Variants in BCL2L1 observed in about 807,000 individuals in gnomAD.
BCL2L1 encodes BCL2 like 1.
In BCL2L1, 1 loss-of-function variant was observed where a neutral mutation model predicts 18.7. The ratio of observed to expected loss-of-function variants is 0.05; its 90% confidence interval spans 0.02 to 0.25. BCL2L1 has a LOEUF of 0.25. Among genes scored for constraint, BCL2L1 ranks in the 10% least tolerant of loss-of-function variants. The probability of loss-of-function intolerance (pLI) is 1.00; values close to 1 mark genes in which losing one functional copy is unlikely to be tolerated. For missense variants in BCL2L1, 207 were observed against 304.9 expected (o/e 0.68, Z 2.39); for synonymous variants, 103 against 122.7 (o/e 0.84, Z 1.06).
chr20:31,709,244 G>C (rs6060843), intron 2 of BCL2L1, among the ~76,000 whole-genome samples: 61,091 of 151,906 alleles, frequency 0.4, 15,463 homozygotes, highest in African/African-American at 0.71. Context: ...GCCTCCTCAT[G>C]ATCTCTCAAA....
intron 2 of BCL2L1, among the ~76,000 whole-genome samples, chr20:31,705,054 A>G (rs948649208): frequency 2.6e-5 from 4 of 152,198 alleles, no homozygotes; most frequent in Non-Finnish European, 4.4e-5. Flanking sequence ...AGCAACATTT[A>G]CTAGGGCCTT....
At chr20:31,701,056 T>G (rs2061270297) in intron 2 of BCL2L1, among the ~76,000 whole-genome samples, 1 of 152,094 alleles carries the variant, frequency 6.6e-6, no homozygotes, top group South Asian at 2.1e-4. Flanking sequence ...TCTATGTAAT[T>G]AGATTTTTTT....
chr20:31,681,215 G>A (rs2060854663), intron 2 of BCL2L1, among the ~76,000 whole-genome samples: 1 of 152,226 alleles, frequency 6.6e-6, no homozygotes, highest in African/African-American at 2.4e-5. Flanking sequence ...CCTGACCTTG[G>A]TGTTAAATAG....
At chr20:31,682,219 A>C (rs2060876926) in intron 2 of BCL2L1, among the ~76,000 whole-genome samples, 1 of 152,192 alleles carries the variant, frequency 6.6e-6, no homozygotes. Context: ...AGTCCTTCCA[A>C]ATTAACAGGA....
chr20:31,687,991 C>A (rs191516442), intron 2 of BCL2L1, among the ~76,000 whole-genome samples: 22 of 152,288 alleles, frequency 1.4e-4, no homozygotes, highest in African/African-American at 5.3e-4. Flanking sequence ...CCTATTTAAC[C>A]CTTCTGAGCT....
At chr20:31,688,932 G>T (rs1053473274) in intron 2 of BCL2L1, among the ~76,000 whole-genome samples, 1 of 152,070 alleles carries the variant, frequency 6.6e-6, no homozygotes, top group Non-Finnish European at 1.5e-5. Context: ...CACCACTACT[G>T]TGTAATCAAC....
intron 2 of BCL2L1, among the ~76,000 whole-genome samples, chr20:31,696,434 G>A (rs1241661697): frequency 6.6e-6 from 1 of 152,168 alleles, no homozygotes; most frequent in Admixed American, 6.5e-5. Context: ...CAAACACACA[G>A]GGACACAAAG....
At chr20:31,695,174 G>A (rs2061146865) in intron 2 of BCL2L1, among the ~76,000 whole-genome samples, 1 of 152,114 alleles carries the variant, frequency 6.6e-6, no homozygotes, top group Non-Finnish European at 1.5e-5. Context: ...ATCCACCCTG[G>A]TATAAACTGC....
chr20:31,668,751 C>T (rs545373600), intron 2 of BCL2L1, among the ~76,000 whole-genome samples: 13 of 151,812 alleles, frequency 8.6e-5, no homozygotes, highest in East Asian at 7.8e-4. Flanking sequence ...ATTACAGGCG[C>T]GTGCCACCAC....
rs1163963370 is a variant in BCL2L1, at chr20:31,664,693, A to G, written c.*1256T>C. ...ACTGCAAGCCAGCAGCTCCTCACACATAAATACAGACACGCTTAACAAAAA... is the reference window on the plus strand; with the variant it reads ...ACTGCAAGCCAGCAGCTCCTCACACGTAAATACAGACACGCTTAACAAAAA... On this transcript the variant is annotated 3_prime_UTR_variant, in exon 3 of 3. Coordinates refer to ENST00000307677, the MANE Select transcript of BCL2L1 (RefSeq NM_138578.3). 1.9e-5 allele frequency: 4 copies of G among 215,436 alleles called. No individual in the cohort carries two copies. Among genetic ancestry groups the G allele is most frequent in the Non-Finnish European group, 3.8e-5 (4 of 106,274 alleles). 13.3% of individuals were successfully genotyped at this position (215,436 alleles called of 1,614,324 possible). A position where few individuals can be genotyped will look rare whatever the true frequency, so the allele number is the denominator to read the frequency against.
At chr20:31,678,530 A>C (rs2060800263) in intron 2 of BCL2L1, among the ~76,000 whole-genome samples, 1 of 152,210 alleles carries the variant, frequency 6.6e-6, no homozygotes, top group Non-Finnish European at 1.5e-5. Flanking sequence ...AGGGGTATCC[A>C]AAAGATCCAG....
chr20:31,706,011 C>T (rs969680462), intron 2 of BCL2L1, among the ~76,000 whole-genome samples: 3 of 152,094 alleles, frequency 2.0e-5, no homozygotes, highest in African/African-American at 7.2e-5. Flanking sequence ...TGAGTGACTC[C>T]CTGGGACTTC....
intron 2 of BCL2L1, chr20:31,720,982 G>C (rs2061615843): frequency 1.3e-5 from 13 of 985,240 alleles, no homozygotes; most frequent in Non-Finnish European, 1.6e-5. Flanking sequence ...CCACAAACAA[G>C]GCAACCATGC....
intron 2 of BCL2L1, among the ~76,000 whole-genome samples, chr20:31,706,227 C>T (rs1244848236): frequency 6.6e-6 from 1 of 152,146 alleles, no homozygotes; most frequent in Non-Finnish European, 1.5e-5. Flanking sequence ...CACTGAAGTC[C>T]AGCGTAGGCA....
At chr20:31,676,070 G>A (rs2060753882) in intron 2 of BCL2L1, among the ~76,000 whole-genome samples, 1 of 152,184 alleles carries the variant, frequency 6.6e-6, no homozygotes, top group South Asian at 2.1e-4. Context: ...GCCTAGCAGT[G>A]CGAGTGTGGG....
At chr20:31,714,506 A>G (rs1316606277) in intron 2 of BCL2L1, among the ~76,000 whole-genome samples, 2 of 152,224 alleles carry the variant, frequency 1.3e-5, no homozygotes, top group African/African-American at 4.8e-5. Flanking sequence ...TGGAAAGATA[A>G]TAAGAATAAT....
At chr20:31,675,796 G>A (rs2060749573) in intron 2 of BCL2L1, among the ~76,000 whole-genome samples, 1 of 152,176 alleles carries the variant, frequency 6.6e-6, no homozygotes. Context: ...TAGCAGTAGT[G>A]GTGAGATCAG....
At chr20:31,690,100 C>A (rs1351382854) in intron 2 of BCL2L1, among the ~76,000 whole-genome samples, 1 of 151,952 alleles carries the variant, frequency 6.6e-6, no homozygotes, top group Non-Finnish European at 1.5e-5. Context: ...TTTTTTTTCC[C>A]CCTGTGACAG....
chr20:31,666,150 A>C, intron 2 of BCL2L1, 64 bp from the exon 3 acceptor site: 16 of 1,586,750 alleles, frequency 1.0e-5, no homozygotes, highest in Non-Finnish European at 1.4e-5. Context: ...TGGGTGGGGA[A>C]AGGGGCCATC....
Sources: allele counts gnomAD v4.1 joint callset (sites outside exome capture counted in the v4.1 genomes callset), GRCh38; gene constraint gnomAD v4.1.1; transcripts MANE v1.5; gene names NCBI Gene and HGNC (gene_info 2026-07-23, HGNC 2026-07-21).